Variants in CHST8 observed in about 807,000 individuals in gnomAD.
The protein encoded by CHST8 is carbohydrate sulfotransferase 8.
Under a neutral mutation model 15.0 loss-of-function variants are expected in CHST8, and 10 were observed. The ratio of observed to expected loss-of-function variants is 0.67; its 90% CI spans 0.41 to 1.13. The LOEUF (loss-of-function observed/expected upper bound fraction) is 1.13, where lower values mean the gene tolerates loss of function less well. CHST8 is among the 50% of genes most tolerant of loss of function. CHST8 has a pLI of 0.00. For missense variants in CHST8, 634 were observed against 608.2 expected, an observed-to-expected ratio of 1.04 and a Z score of -0.45; for synonymous variants, 259 against 256.6, an observed-to-expected ratio of 1.01 and a Z score of -0.09.
In CHST8 at chr19:33,772,751, C is replaced by T. The variant is rs1183445790; in HGVS notation, c.963C>T (p.Pro321=). The T allele has an allele frequency of 1.2e-6, 2 of 1,613,424 alleles. No individual in the cohort carries two copies. Among genetic ancestry groups the T allele is most frequent in the Non-Finnish European group, 1.7e-6 (2 of 1,180,006 alleles). ...FVQYLLDVHR[P]VGMDIHWDHV... The stretch of plus-strand genomic sequence containing the variant: ...AGTACCTGCTGGACGTGCACCGGCC[C>T]GTGGGGATGGACATTCACTGGGACC... Residue 321 remains proline (P), a synonymous_variant, in exon 5 of 5, where the codon CCC becomes CCT. Coordinates refer to ENST00000650847, the MANE Select transcript of CHST8 (RefSeq NM_001127895.2).
intron 3 of CHST8, among the ~76,000 whole-genome samples, chr19:33,691,836 G>A (rs1973104054): frequency 6.6e-6 from 1 of 152,244 alleles, no homozygotes; most frequent in Non-Finnish European, 1.5e-5. Flanking sequence ...TTGGGGTGGA[G>A]GGCTGGGAGT....
chr19:33,772,415 C>T lies in CHST8; in HGVS notation c.627C>T (p.Leu209=), dbSNP rs762210334. ...KAGCSNWKRV[L]MVLAGLASST... ...GCTGCTCCAATTGGAAGCGGGTGCT[C>T]ATGGTGCTGGCCGGCCTGGCCTCGT... The change falls in exon 5 of 5, where the codon CTC becomes CTT. Residue 209 remains leucine, a synonymous_variant. Coordinates refer to ENST00000650847, the MANE Select transcript of CHST8 (RefSeq NM_001127895.2). 2 of 1,610,428 alleles carry T rather than the reference C, an allele frequency of 1.2e-6. No individual in the cohort carries two copies. The highest frequency in any genetic ancestry group is 2.2e-5 in the South Asian group (2 of 91,020).
chr19:33,765,070 A>ATGTATG lies in CHST8; in HGVS notation c.131-6342_131-6341insGTATGT, dbSNP rs71304798. Among the ~76,000 whole-genome samples the ATGTATG allele has an allele frequency of 7.1e-5, 8 of 113,208 alleles. 1 individual carries two copies. The highest frequency in any genetic ancestry group is 8.4e-5 in the African/African-American group (2 of 23,840). The allele number at this position is 113,208 out of a possible 152,430, so 74.3% of individuals were successfully genotyped here. On this transcript the variant is annotated intron_variant, in intron 3 of 4. Transcript: ENST00000650847. ...TATTCCATCATATATATATATATAT[A>ATGTATG]TATCAGAGTTTCTTTATCCACTCGT...
Position 33,773,443 on chromosome 19 carries a change from T to G in CHST8, c.*380T>G. 1 of 219,084 alleles carries G rather than the reference T, an allele frequency of 4.6e-6. No homozygotes were observed. 13.6% of individuals were successfully genotyped at this position (219,084 alleles called of 1,614,324 possible). On this transcript the variant is annotated 3_prime_UTR_variant, in exon 5 of 5. Transcript: ENST00000650847. ...GACCAAACCACGTGGTTTGCAGCTT[T>G]TCTACGAGCCAGGGGGGAGGTTCCC...
intron 1 of CHST8, among the ~76,000 whole-genome samples, chr19:33,649,606 C>T (rs933150032): frequency 1.3e-5 from 2 of 152,132 alleles, no homozygotes; most frequent in African/African-American, 4.8e-5. Flanking sequence ...CAAACATGCA[C>T]GTTACATGCG....
chr19:33,771,369 T>A, intron 3 of CHST8, 44 bp from the exon 4 acceptor site: 1 of 1,602,544 alleles, frequency 6.2e-7, no homozygotes, highest in African/African-American at 1.3e-5. Flanking sequence ...GGGAGCCATG[T>A]GGCAGATCCG....
intron 1 of CHST8, among the ~76,000 whole-genome samples, chr19:33,632,396 C>T (rs1233020469): frequency 6.6e-6 from 1 of 152,130 alleles, no homozygotes; most frequent in Non-Finnish European, 1.5e-5. Context: ...CTCAAGCCAT[C>T]CACCTGCCTC....
intron 3 of CHST8, among the ~76,000 whole-genome samples, chr19:33,699,055 G>A (rs983742776): frequency 6.6e-6 from 1 of 152,140 alleles, no homozygotes; most frequent in African/African-American, 2.4e-5. Context: ...CTCCCCGTTG[G>A]GCTGGATGCC....
intron 3 of CHST8, among the ~76,000 whole-genome samples, chr19:33,717,629 C>T (rs1466612757): frequency 2.6e-5 from 4 of 151,986 alleles, no homozygotes. Flanking sequence ...TAGTGCCACA[C>T]GTTTTTACAC....
intron 1 of CHST8, among the ~76,000 whole-genome samples, chr19:33,647,363 T>C (rs1225397026): frequency 6.6e-6 from 1 of 152,158 alleles, no homozygotes; most frequent in Non-Finnish European, 1.5e-5. Context: ...TTTTGCCCAA[T>C]GCTGGTGGCA....
chr19:33,688,214 G>T (rs997029929), intron 2 of CHST8, among the ~76,000 whole-genome samples: 31 of 152,238 alleles, frequency 2.0e-4, no homozygotes, highest in African/African-American at 7.5e-4. Flanking sequence ...TTCTTCCTTT[G>T]GGCAAATGGC....
chr19:33,770,088 G>A (rs1002582419), intron 3 of CHST8, among the ~76,000 whole-genome samples: 3 of 152,130 alleles, frequency 2.0e-5, no homozygotes, highest in Non-Finnish European at 1.5e-5. Flanking sequence ...GCCTTACATT[G>A]TCTGGGGCAT....
chr19:33,747,342 C>T (rs1291227775), intron 3 of CHST8, among the ~76,000 whole-genome samples: 1 of 152,158 alleles, frequency 6.6e-6, no homozygotes, highest in East Asian at 1.9e-4. Flanking sequence ...TGATAGGATA[C>T]TCCTCTTCTG....
chr19:33,763,433 A>G (rs2145382351), intron 3 of CHST8, among the ~76,000 whole-genome samples: 1 of 152,290 alleles, frequency 6.6e-6, no homozygotes, highest in South Asian at 2.1e-4. Flanking sequence ...CTCGAAGTCC[A>G]CACTCTGACC....
rs531138116 is a variant in CHST8 at position 33,740,194 on chromosome 19, T to A, written c.131-31219T>A. On this transcript the variant is annotated intron_variant, in intron 3 of 4. Coordinates refer to ENST00000650847, the MANE Select transcript of CHST8 (RefSeq NM_001127895.2). ...TCAAACTAGTTCACAGGAGCAAACATCATGCAGCTCCCTCCAAGGCTACAT... is the reference window on the plus strand; with the variant it reads ...TCAAACTAGTTCACAGGAGCAAACAACATGCAGCTCCCTCCAAGGCTACAT... Among the ~76,000 whole-genome samples, 6 of 152,256 alleles carry A rather than the reference T, an allele frequency of 3.9e-5. No homozygotes were observed. The South Asian group carries it at 1.2e-3, about 32-fold the overall frequency.
intron 2 of CHST8, among the ~76,000 whole-genome samples, chr19:33,682,501 T>A (rs1023974727): frequency 6.6e-6 from 1 of 152,202 alleles, no homozygotes; most frequent in African/African-American, 2.4e-5. Context: ...CCACTATCCA[T>A]CTCCAGAACC....
At chr19:33,650,795 G>A (rs1034949553) in intron 1 of CHST8, among the ~76,000 whole-genome samples, 12 of 150,744 alleles carry the variant, frequency 8.0e-5, no homozygotes, top group African/African-American at 2.4e-4. Context: ...GCAAACCTTC[G>A]CCTCCCGGGT....
At chr19:33,639,936 T>C (rs1209428961) in intron 1 of CHST8, among the ~76,000 whole-genome samples, 1 of 151,144 alleles carries the variant, frequency 6.6e-6, no homozygotes, top group Admixed American at 6.6e-5. Context: ...ACCTCCCAGG[T>C]TCAAGTGATT....
chr19:33,740,283 A>G (rs1460980164), intron 3 of CHST8, among the ~76,000 whole-genome samples: 4 of 152,306 alleles, frequency 2.6e-5, no homozygotes. Context: ...AGGGCTCTTC[A>G]GTGACGCCCA....
Sources: allele counts gnomAD v4.1 joint callset (sites outside exome capture counted in the v4.1 genomes callset), GRCh38; gene constraint gnomAD v4.1.1; transcripts MANE v1.5; gene names NCBI Gene and HGNC (gene_info 2026-07-23, HGNC 2026-07-21).